ELP4: variants seen among roughly 807,000 people sequenced by gnomAD.
The protein encoded by ELP4 is elongator acetyltransferase complex subunit 4.
In ELP4, 51 loss-of-function variants were observed where a neutral mutation model predicts 48.9. The observed-to-expected ratio is 1.04, with a 90% confidence interval of 0.83 to 1.32. ELP4 has a LOEUF of 1.32. Ranked by LOEUF, ELP4 falls within the 40% of genes most tolerant of loss-of-function variation. The probability of loss-of-function intolerance (pLI) is 0.00; values close to 1 mark genes in which losing one functional copy is unlikely to be tolerated. For synonymous variants in ELP4, 210 were observed against 189.2 expected (o/e 1.11, Z -0.90); for missense variants, 519 against 514.6 (o/e 1.01, Z -0.08).
chr11:31,707,156 T>A (rs1423063278), intron 9 of ELP4: 1 of 394,122 alleles, frequency 2.5e-6, no homozygotes, highest in Non-Finnish European at 4.5e-6. Flanking sequence ...GAACCCTTCA[T>A]ACTATTCTTC....
chr11:31,717,762 A>T (rs1946871204), intron 9 of ELP4, among the ~76,000 whole-genome samples: 2 of 152,154 alleles, frequency 1.3e-5, no homozygotes, highest in Admixed American at 1.3e-4. Context: ...TCAAAAAAAA[A>T]AAAAAGAATT....
At chr11:31,779,328 G>C (rs1948318147) in intron 9 of ELP4, among the ~76,000 whole-genome samples, 1 of 152,184 alleles carries the variant, frequency 6.6e-6, no homozygotes, top group Admixed American at 6.5e-5. Context: ...GTGTAATCGA[G>C]ATTCATTATC....
At chr11:31,665,357 T>G (rs1310599135) in intron 9 of ELP4, among the ~76,000 whole-genome samples, 1 of 152,110 alleles carries the variant, frequency 6.6e-6, no homozygotes, top group East Asian at 1.9e-4. Context: ...CCTCTCGCTC[T>G]CTCTCTCTAG....
chr11:31,672,092 G>C (rs1400341596), intron 9 of ELP4, among the ~76,000 whole-genome samples: 2 of 152,116 alleles, frequency 1.3e-5, no homozygotes, highest in East Asian at 3.9e-4. Context: ...TAAATAGTCT[G>C]CTCTTCAACC....
intron 9 of ELP4, among the ~76,000 whole-genome samples, chr11:31,696,068 A>G (rs1005008567): frequency 4.6e-5 from 7 of 151,092 alleles, no homozygotes; most frequent in Non-Finnish European, 8.8e-5. Flanking sequence ...TTTCTTCTTT[A>G]TTAGGCTTGC....
At chr11:31,744,240 G>A (rs1947525597) in intron 9 of ELP4, among the ~76,000 whole-genome samples, 2 of 152,110 alleles carry the variant, frequency 1.3e-5, no homozygotes, top group South Asian at 4.1e-4. Flanking sequence ...TGAAATTGAG[G>A]CAATAATCAA....
At chr11:31,524,740 C>G (rs955299317) in intron 2 of ELP4, among the ~76,000 whole-genome samples, 11 of 152,140 alleles carry the variant, frequency 7.2e-5, no homozygotes, top group Non-Finnish European at 1.6e-4. Context: ...TCTGAATTTG[C>G]TAAGCTATAT....
At chr11:31,603,747 C>CTA in intron 4 of ELP4, 21 bp from the exon 5 acceptor site, 1 of 1,600,828 alleles carries the variant, frequency 6.2e-7, no homozygotes, top group South Asian at 1.1e-5. Flanking sequence ...TTAACAACCA[C>CTA]TATGGGGTTT....
intron 3 of ELP4, among the ~76,000 whole-genome samples, chr11:31,566,328 A>G (rs1314439848): frequency 6.6e-6 from 1 of 152,010 alleles, no homozygotes; most frequent in African/African-American, 2.4e-5. Context: ...ACTGCACTCT[A>G]TCCTGGGCGT....
chr11:31,677,598 AT>A (rs1439247419), intron 9 of ELP4, among the ~76,000 whole-genome samples: 1 of 152,214 alleles, frequency 6.6e-6, no homozygotes, highest in African/African-American at 2.4e-5. Context: ...ATAGTAGTTG[AT>A]TATAATCTAC....
At chr11:31,535,674 A>T (rs1016471950) in intron 2 of ELP4, among the ~76,000 whole-genome samples, 2 of 152,142 alleles carry the variant, frequency 1.3e-5, no homozygotes, top group African/African-American at 4.8e-5. Context: ...ACTTTTTACG[A>T]CTGTATATAC....
intron 2 of ELP4, among the ~76,000 whole-genome samples, chr11:31,523,671 C>T (rs920106694): frequency 6.6e-6 from 1 of 151,814 alleles, no homozygotes; most frequent in South Asian, 2.1e-4. Flanking sequence ...AACTAAGGGA[C>T]CCCACTGTGT....
At chr11:31,572,820 G>A (rs1392448557) in intron 3 of ELP4, among the ~76,000 whole-genome samples, 1 of 152,028 alleles carries the variant, frequency 6.6e-6, no homozygotes, top group African/African-American at 2.4e-5. Context: ...GGGCAATATA[G>A]CAAGACACCA....
At chr11:31,520,365 G>T (rs752452109) in intron 2 of ELP4, among the ~76,000 whole-genome samples, 4 of 152,088 alleles carry the variant, frequency 2.6e-5, no homozygotes, top group Non-Finnish European at 5.9e-5. Context: ...TAAAATTAAT[G>T]TGAATTGATT....
At chr11:31,561,112 A>G (rs983032950) in intron 3 of ELP4, among the ~76,000 whole-genome samples, 1 of 152,212 alleles carries the variant, frequency 6.6e-6, no homozygotes, top group African/African-American at 2.4e-5. Context: ...ATACATGTAT[A>G]CATAATACAC....
rs546511039 is a variant in ELP4, at chr11:31,574,358, G to A, written c.382-20412G>A. On this transcript the variant is annotated intron_variant, in intron 3 of 9. Transcript: ENST00000640961. ...GCCTCTCTAGACTCCACCTCTGGGGGCAGGGCATAATGGAACAAAAGGCAG... is the reference window on the plus strand; with the variant it reads ...GCCTCTCTAGACTCCACCTCTGGGGACAGGGCATAATGGAACAAAAGGCAG... Among the ~76,000 whole-genome samples the A allele has an allele frequency of 2.0e-5, 3 of 152,276 alleles. No individual in the cohort carries two copies. In the South Asian group the frequency reaches 6.2e-4, roughly 32 times the overall value.
intron 9 of ELP4, among the ~76,000 whole-genome samples, chr11:31,685,145 G>T (rs1698177137): frequency 6.6e-6 from 1 of 152,018 alleles, no homozygotes; most frequent in South Asian, 2.1e-4. Flanking sequence ...GAGGTCAGGA[G>T]ATCAAGACCA....
In ELP4 at chr11:31,783,714, T is replaced by A; in HGVS notation, c.*190T>A. 1 of 499,714 alleles carries A rather than the reference T, an allele frequency of 2.0e-6. No homozygotes were observed. Among genetic ancestry groups the A allele is most frequent in the African/African-American group, 1.9e-5 (1 of 51,456 alleles). 31.0% of individuals were successfully genotyped at this position (499,714 alleles called of 1,614,324 possible). ...TAGCACAGCAGAAATACTTTTAAAT[T>A]TTTCCTTCATGCTCTAGAGAAAATA... On this transcript the variant is annotated 3_prime_UTR_variant, in exon 10 of 10. Coordinates refer to ENST00000640961, the MANE Select transcript of ELP4 (RefSeq NM_019040.5).
At chr11:31,729,188 CGT>C (rs1947135006) in intron 9 of ELP4, among the ~76,000 whole-genome samples, 1 of 152,050 alleles carries the variant, frequency 6.6e-6, no homozygotes, top group African/African-American at 2.4e-5. Context: ...GAAAGTTATA[CGT>C]GTAGTATATT....
Sources: gnomAD v4.1 joint callset for allele counts (sites outside exome capture counted in the v4.1 genomes callset) on GRCh38, gnomAD v4.1.1 for gene constraint, MANE v1.5 for transcripts, NCBI Gene and HGNC (gene_info 2026-07-23, HGNC 2026-07-21) for gene names.